MTMR10: variants seen among roughly 807,000 people sequenced by gnomAD.
MTMR10 encodes myotubularin related protein 10, also known as myotubularin-related protein 10.
Under a neutral mutation model 88.1 loss-of-function variants are expected in MTMR10, and 56 were observed. The ratio of observed to expected loss-of-function variants is 0.64; its 90% confidence interval spans 0.51 to 0.79. MTMR10 has a LOEUF of 0.79. Among genes scored for constraint, MTMR10 ranks in the 30% least tolerant of loss-of-function variants. The pLI is 0.00. For missense variants in MTMR10, 883 were observed against 924.7 expected (o/e 0.95, Z 0.58); for synonymous variants, 380 against 340.9 (o/e 1.11, Z -1.26).
rs952990953 is a variant in MTMR10, at chr15:30,975,020, T to C, written c.259-17A>G. On this transcript the variant is annotated splice_polypyrimidine_tract_variant and intron_variant, in intron 3 of 15. Transcript: ENST00000435680. The stretch of plus-strand genomic sequence containing the variant: ...ATGGAATTTCTGGAATAAAAAATTA[T>C]GTTCATATTAATTCTTTTCCCAATA... The C allele has an allele frequency of 3.0e-5, 45 of 1,499,490 alleles. No individual in the cohort carries two copies. Among genetic ancestry groups the C allele is most frequent in the Non-Finnish European group, 3.5e-5 (39 of 1,100,940 alleles). 92.9% of individuals were successfully genotyped at this position (1,499,490 alleles called of 1,614,324 possible).
chr15:30,940,181 G>C lies in MTMR10; in HGVS notation c.*1289C>G. On this transcript the variant is annotated 3_prime_UTR_variant, in exon 16 of 16. Transcript: ENST00000435680. ...CCATGTTTTAAGCGGGGAATGAGGA[G>C]TGTGGGGGAGGTGGTGCCCCGTTTC... 7 of 985,440 alleles carry C rather than the reference G, an allele frequency of 7.1e-6. No homozygotes were observed. Among genetic ancestry groups the C allele is most frequent in the Non-Finnish European group, 8.4e-6 (7 of 829,938 alleles). The allele number at this position is 985,440 out of a possible 1,614,324, so 61.0% of individuals were successfully genotyped here. A position where few individuals can be genotyped will look rare whatever the true frequency, so the allele number is the denominator to read the frequency against.
rs763688136 is a variant in MTMR10 at position 30,960,968 on chromosome 15, T to G, written c.671A>C (p.Tyr224Ser). 2.5e-6 allele frequency: 4 copies of G among 1,606,502 alleles called. No homozygotes were observed. Among genetic ancestry groups the G allele is most frequent in the South Asian group, 1.1e-5 (1 of 89,518 alleles). ...SSQKTPLFETYSDWDREIKRT... is the reference protein window; with the variant it reads ...SSQKTPLFETSSDWDREIKRT... Reference sequence around the variant, plus strand: ...CTTGATTTCTCTGTCCCAATCCGAGTAAGTTTCAAAGAGTGGAGTTTTCTG... The same window carrying G: ...CTTGATTTCTCTGTCCCAATCCGAGGAAGTTTCAAAGAGTGGAGTTTTCTG... The change falls in exon 7 of 16, where the codon TAC becomes TCC. Residue 224 changes from tyrosine (Y) to serine (S), a missense_variant. Tyr to Ser is a moderately radical substitution (Grantham distance 144, BLOSUM62 -2). Around this residue, in one of 3 missense-constraint regions of MTMR10, gnomAD observed 414 missense variants for 423.2 expected, o/e 0.98. Transcript: ENST00000435680.
chr15:30,963,628 C>T (rs2063433970), intron 6 of MTMR10, among the ~76,000 whole-genome samples: 1 of 91,104 alleles, frequency 1.1e-5, no homozygotes, highest in South Asian at 4.0e-4. Flanking sequence ...CACAGCGAGA[C>T]TCTGTCTCAA....
intron 10 of MTMR10, among the ~76,000 whole-genome samples, chr15:30,954,170 C>T (rs890502528): frequency 3.9e-5 from 6 of 152,194 alleles, no homozygotes; most frequent in African/African-American, 7.2e-5. Flanking sequence ...GCCCCTGCCC[C>T]GCCCCTGCAA....
At chr15:30,932,154 G>A in the MTMR10 span, among the ~76,000 whole-genome samples, 1 of 148,722 alleles carries the variant, frequency 6.7e-6, no homozygotes, top group Non-Finnish European at 1.5e-5. Context: ...CTCAGGAGGT[G>A]GAGCTTGCAG....
At chr15:30,978,680 G>A (rs1174737248) in intron 2 of MTMR10, among the ~76,000 whole-genome samples, 1 of 152,122 alleles carries the variant, frequency 6.6e-6, no homozygotes, top group African/African-American at 2.4e-5. Flanking sequence ...ACAGATAAAG[G>A]ATTTGCACCC....
Position 30,948,351 on chromosome 15 carries a change from C to T in MTMR10, c.1328G>A (p.Gly443Glu), listed in dbSNP as rs755007542. 6.2e-7 allele frequency: 1 copy of T among 1,613,816 alleles called. No individual in the cohort carries two copies. The highest frequency in any genetic ancestry group is 1.7e-5 in the Admixed American group (1 of 60,008). Reference protein sequence around the residue: ...SLIQKEWVMAGYQFLDRCNHL... With the variant: ...SLIQKEWVMAEYQFLDRCNHL... ...GTTGCATCTGTCTAGAAACTGATAT[C>T]CTGCCATGACCCACTCCTTCTGTAT... is the stretch of plus-strand genomic sequence containing the variant. Residue 443 changes from glycine (G) to glutamate (E), a missense_variant, in exon 13 of 16, where the codon GGA becomes GAA. Physicochemically the swap from Gly to Glu is moderately conservative, Grantham distance 98. This residue lies in a region of MTMR10 where 126 missense variants were observed against 178.2 expected (regional missense o/e 0.71). Transcript: ENST00000435680.
chr15:30,955,559 C>G (rs28442013), intron 9 of MTMR10, among the ~76,000 whole-genome samples: 779 of 152,264 alleles, frequency 5.1e-3, no homozygotes, highest in Admixed American at 0.01. Flanking sequence ...CGTGAGCCAC[C>G]GCGCCCGGGC....
At chr15:30,930,031 ATATT>A in the MTMR10 span, among the ~76,000 whole-genome samples, 2 of 138,660 alleles carry the variant, frequency 1.4e-5, no homozygotes, top group South Asian at 4.2e-4. Context: ...AATAATATAT[ATATT>A]AATATTATAT....
In MTMR10 at chr15:30,990,821, T is replaced by C. The variant is rs147790903; in HGVS notation, c.77A>G (p.Asn26Ser). 8.2e-4 allele frequency: 1,313 copies of C among 1,607,338 alleles called. 7 individuals carry two copies. In the African/African-American group the frequency reaches 0.014, roughly 17 times the overall value. The change falls in exon 2 of 16, where the codon AAT becomes AGT. Residue 26 changes from asparagine to serine, a missense_variant. By Grantham distance (46) the Asn-to-Ser change is conservative. Transcript: ENST00000435680. ...CAGTTTTTTAATCTTCGGTTCCGAA[T>C]TGATCTTATCGTCAGTCTGAAATAC... Reference protein sequence around the residue: ...LPPPQTDDKINSEPKIKKLEP... With the variant: ...LPPPQTDDKISSEPKIKKLEP...
chr15:30,951,871 A>G, intron 12 of MTMR10, 97 bp downstream of exon 12: 1 of 1,034,596 alleles, frequency 9.7e-7, no homozygotes, highest in Non-Finnish European at 1.5e-6. Flanking sequence ...AATAAGAAAT[A>G]GCTAAAACTG....
At chr15:30,950,316 A>G (rs1424128728) in intron 12 of MTMR10, 1 of 152,114 alleles carries the variant, frequency 6.6e-6, no homozygotes, top group African/African-American at 2.4e-5. Flanking sequence ...TTTTTTTCTA[A>G]GAGTCTTAAA....
intron 2 of MTMR10, 65 bp from the exon 3 acceptor site, chr15:30,977,020 C>T: frequency 6.7e-7 from 1 of 1,498,550 alleles, no homozygotes; most frequent in South Asian, 1.2e-5. Flanking sequence ...TTTGTGGGAC[C>T]TAGAAGGAGT....
chr15:30,979,140 G>A (rs929515179), intron 2 of MTMR10, among the ~76,000 whole-genome samples: 9 of 152,020 alleles, frequency 5.9e-5, no homozygotes, highest in African/African-American at 1.7e-4. Flanking sequence ...TTCTTTACAC[G>A]GAATCATCAC....
At chr15:30,920,678 C>G in the MTMR10 span, 5 of 1,351,556 alleles carry the variant, frequency 3.7e-6, no homozygotes, top group East Asian at 4.6e-5. Context: ...CCCTGCCCCC[C>G]ACCATTACTG....
intron 12 of MTMR10, chr15:30,950,324 A>AC (rs1160503012): frequency 6.6e-6 from 1 of 152,130 alleles, no homozygotes; most frequent in Non-Finnish European, 1.5e-5. Context: ...TAAGAGTCTT[A>AC]AAGATTTTTG....
In MTMR10 at chr15:30,969,479, G is replaced by A. The variant is rs1346225492; in HGVS notation, c.475-1469C>T. On this transcript the variant is annotated intron_variant, in intron 5 of 15. Transcript: ENST00000435680. The stretch of plus-strand genomic sequence containing the variant: ...GTTCTCATCCTTCCTATTTGTTTGG[G>A]CACCGTTGATAAGCTATGTTGCACT... Among the ~76,000 whole-genome samples, 3 of 151,928 alleles carry A rather than the reference G, an allele frequency of 2.0e-5. No individual in the cohort carries two copies. The East Asian group carries it at 5.8e-4, about 29-fold the overall frequency.
At chr15:30,936,880 C>T (rs1157819884), downstream of MTMR10, among the ~76,000 whole-genome samples, 1 of 152,088 alleles carries the variant, frequency 6.6e-6, no homozygotes, top group African/African-American at 2.4e-5. Flanking sequence ...GGGAAAAGAT[C>T]AACACTCAGA....
In MTMR10 at chr15:30,939,687, G is replaced by A. The variant is rs1485328968; in HGVS notation, c.*1783C>T. On this transcript the variant is annotated 3_prime_UTR_variant, in exon 16 of 16. Coordinates refer to ENST00000435680, the MANE Select transcript of MTMR10 (RefSeq NM_017762.3). Reference sequence around the variant, plus strand: ...AAACGTGAAGGAAGAAAATTACAGAGGGAAAAATGCTCAATCCAAAACATT... The same window carrying A: ...AAACGTGAAGGAAGAAAATTACAGAAGGAAAAATGCTCAATCCAAAACATT... 7.3e-6 allele frequency: 7 copies of A among 959,800 alleles called. No individual in the cohort carries two copies. The highest frequency in any genetic ancestry group is 1.8e-5 in the African/African-American group (1 of 56,600). The allele number at this position is 959,800 out of a possible 1,614,324, so 59.5% of individuals were successfully genotyped here. A position where few individuals can be genotyped will look rare whatever the true frequency, so the allele number is the denominator to read the frequency against.
Sources: allele counts gnomAD v4.1 joint callset (sites outside exome capture counted in the v4.1 genomes callset), GRCh38; gene constraint gnomAD v4.1.1; regional missense constraint gnomAD v4.1.1; transcripts MANE v1.5; gene names NCBI Gene and HGNC (gene_info 2026-07-23, HGNC 2026-07-21).